Variants in SIPA1 observed in about 807,000 individuals in gnomAD.
SIPA1 encodes signal-induced proliferation-associated 1.
Under a neutral mutation model 88.1 loss-of-function variants are expected in SIPA1, and 51 were observed. That is an observed-to-expected ratio of 0.58 (90% confidence interval 0.46 to 0.73). SIPA1 has a LOEUF of 0.73. Ranked by LOEUF, SIPA1 falls within the 30% of genes least tolerant of loss-of-function variation. The pLI is 0.00. For synonymous variants in SIPA1, 681 were observed against 664.8 expected (o/e 1.02, Z -0.37); for missense variants, 1,348 against 1,467.6 (o/e 0.92, Z 1.33).
chr11:65,641,646 G>C, intron 2 of SIPA1, 46 bp downstream of exon 2: 1 of 1,515,308 alleles, frequency 6.6e-7, no homozygotes, highest in Non-Finnish European at 9.0e-7. Context: ...GGCTGAAGAA[G>C]AGGTCCCTGT....
At position 65,646,582 on chromosome 11, in the gene SIPA1, G is replaced by A. The variant is rs1372533335; in HGVS notation, c.1548G>A (p.Gln516=). ...TGGCCAAAGCGCTGAATGGTGAGCA[G>A]GCGGCCGGCCACGCGCGCCAGTTCC... ...FLLAKALNGE[Q]AAGHARQFHA... Residue 516 remains glutamine, a synonymous_variant, in exon 8 of 16, where the codon CAG becomes CAA. Transcript: ENST00000534313. This position sits in a 1 kb window ranked among gnomAD's most constrained non-coding sequence, Gnocchi z 7.5. The A allele has an allele frequency of 6.5e-7, 1 of 1,547,686 alleles. No individual in the cohort carries two copies. Among genetic ancestry groups the A allele is most frequent in the Non-Finnish European group, 8.7e-7 (1 of 1,152,082 alleles).
chr11:65,647,022 G>A lies in SIPA1; in HGVS notation c.1988G>A (p.Gly663Glu). 6.5e-7 allele frequency: 1 copy of A among 1,542,086 alleles called. No homozygotes were observed. Among genetic ancestry groups the A allele is most frequent in the African/African-American group, 1.4e-5 (1 of 73,418 alleles). The stretch of plus-strand genomic sequence containing the variant: ...GAGGCGATCACGCTGCGCTTCGACG[G>A]GTCCCCCGGCCAAGCCGTGGGCGAG... ...RGEAITLRFDGSPGQAVGEVV... is the reference protein window; with the variant it reads ...RGEAITLRFDESPGQAVGEVV... The change falls in exon 8 of 16, where the codon GGG (glycine) becomes GAG (glutamate). Residue 663 changes from glycine (G) to glutamate (E), a missense_variant. Physicochemically the swap from Gly to Glu is moderately conservative, Grantham distance 98 (BLOSUM62 -2). This residue lies in a region of SIPA1 where 615 missense variants were observed against 559.8 expected (regional missense o/e 1.10). Transcript: ENST00000534313.
chr11:65,648,793 G>A (rs1022113675), intron 9 of SIPA1, among the ~76,000 whole-genome samples: 3 of 150,812 alleles, frequency 2.0e-5, no homozygotes, highest in East Asian at 1.9e-4. Context: ...CTGTGATCGC[G>A]CCATTGCACT....
chr11:65,640,730 G>A (rs1167196426), intron 1 of SIPA1, 101 bp from the exon 2 acceptor site: 10 of 532,458 alleles, frequency 1.9e-5, no homozygotes, highest in Non-Finnish European at 2.9e-5. Flanking sequence ...TGATGGTCTC[G>A]GAGGGGGCCG....
Position 65,646,100 on chromosome 11 carries a change from C to T in SIPA1, c.1264-121C>T, listed in dbSNP as rs1171521582. The T allele has an allele frequency of 2.9e-6, 4 of 1,358,590 alleles. No individual in the cohort carries two copies. The highest frequency in any genetic ancestry group is 4.1e-6 in the Non-Finnish European group (4 of 973,180). 84.2% of individuals were successfully genotyped at this position (1,358,590 alleles called of 1,614,324 possible). A position where few individuals can be genotyped will look rare whatever the true frequency, so the allele number is the denominator to read the frequency against. On this transcript the variant is annotated intron_variant, in intron 6 of 15. Transcript: ENST00000534313. The surrounding 1 kb of genome is among the most constrained non-coding windows in gnomAD (Gnocchi z 7.5). ...TGGCCCCTTCCCAAAGACAGAAACA[C>T]CCTAGGTCTTCACCAGGGGCAGTGG...
At position 65,650,063 on chromosome 11, in the gene SIPA1, AG is replaced by A; in HGVS notation, c.2848+15del. On this transcript the variant is annotated intron_variant, in intron 13 of 15. Transcript: ENST00000534313. ...GCTGTCCCGAGAGGGTGAGGCCACC[AG>A]GGTGCTGCGGTAAGCCTGGGCAGTG... is the stretch of plus-strand genomic sequence containing the variant. The A allele has an allele frequency of 6.2e-7, 1 of 1,613,858 alleles. No homozygotes were observed. The highest frequency in any genetic ancestry group is 8.5e-7 in the Non-Finnish European group (1 of 1,179,834).
In SIPA1 at chr11:65,638,142, A is replaced by ACGTCC. The variant is rs1855932990; in HGVS notation, c.-131_-130insGTCCC. 1 of 152,198 alleles carries ACGTCC rather than the reference A, an allele frequency of 6.6e-6. No homozygotes were observed. The allele number at this position is 152,198 out of a possible 1,614,324, so 9.4% of individuals were successfully genotyped here. A position where few individuals can be genotyped will look rare whatever the true frequency, so the allele number is the denominator to read the frequency against. On this transcript the variant is annotated 5_prime_UTR_variant, in exon 1 of 16. Transcript: ENST00000534313. ...GCGGTAGCGGGAGAGCGGCAGCGGGACCCCAGCGCGGGCGGCGGCGGCTGG... is the reference window on the plus strand; with the variant it reads ...GCGGTAGCGGGAGAGCGGCAGCGGGACGTCCCCCCAGCGCGGGCGGCGGCGGCTGG...
intron 2 of SIPA1, among the ~76,000 whole-genome samples, chr11:65,641,916 A>G (rs757442351): frequency 2.6e-5 from 4 of 152,210 alleles, no homozygotes; most frequent in Non-Finnish European, 5.9e-5. Flanking sequence ...TCAGGCCTCA[A>G]ATCCCTGCAT....
At chr11:65,640,392 G>A (rs140765903) in intron 1 of SIPA1, 129 of 153,822 alleles carry the variant, frequency 8.4e-4, no homozygotes, top group Admixed American at 1.8e-3. Context: ...CAAGGAGGAA[G>A]GTCTCTGGGG....
chr11:65,639,567 C>G (rs1022035089), intron 1 of SIPA1, among the ~76,000 whole-genome samples: 13 of 152,130 alleles, frequency 8.5e-5, no homozygotes, highest in African/African-American at 1.9e-4. Context: ...CCTCCACCCC[C>G]CTCCGGCCCA....
chr11:65,645,844 C>T lies in SIPA1; in HGVS notation c.1160-10C>T. On this transcript the variant is annotated splice_polypyrimidine_tract_variant and intron_variant, in intron 5 of 15. Coordinates refer to ENST00000534313, the MANE Select transcript of SIPA1 (RefSeq NM_006747.4). The stretch of plus-strand genomic sequence containing the variant: ...TTTCTCCTTCTGTGTCCCTAACTTC[C>T]TGGCCACAGCGGATTCCACAGGCAC... 6.2e-7 allele frequency: 1 copy of T among 1,601,924 alleles called. No individual in the cohort carries two copies. Among genetic ancestry groups the T allele is most frequent in the Non-Finnish European group, 8.5e-7 (1 of 1,170,790 alleles).
chr11:65,638,585 G>C (rs1041074681), intron 1 of SIPA1, among the ~76,000 whole-genome samples: 4 of 152,154 alleles, frequency 2.6e-5, no homozygotes, highest in African/African-American at 9.7e-5. Flanking sequence ...CATCTGTCGC[G>C]CCCCCTGGCA....
rs142497064 is a variant in SIPA1 at position 65,644,967 on chromosome 11, C to T, written c.997C>T (p.Arg333Cys). ...CTCCCACCCACAGCTGAGCTTCCAA[C>T]GCAAGGTGGGCATCCTGTACTGCCG... ...TLDEQVLSFQRKVGILYCRAG... is the reference protein window; with the variant it reads ...TLDEQVLSFQCKVGILYCRAG... Residue 333 changes from arginine (R) to cysteine (C), a missense_variant, in exon 5 of 16, where the codon CGC (arginine) becomes TGC (cysteine). Arg to Cys is a radical substitution (Grantham distance 180). Coordinates refer to ENST00000534313, the MANE Select transcript of SIPA1 (RefSeq NM_006747.4). 46 of 1,612,714 alleles carry T rather than the reference C, an allele frequency of 2.9e-5. No individual in the cohort carries two copies. The highest frequency in any genetic ancestry group is 3.3e-5 in the Admixed American group (2 of 59,894).
chr11:65,641,703 A>G (rs1334607956), intron 2 of SIPA1, 103 bp downstream of exon 2: 1 of 1,121,924 alleles, frequency 8.9e-7, no homozygotes, highest in Non-Finnish European at 1.2e-6. Flanking sequence ...CATTTCCTGT[A>G]AAGTCCCTGG....
rs1590922461 is a variant in SIPA1 at position 65,646,400 on chromosome 11, G to A, written c.1421+22G>A. ...ACAGGTGGGCACCGGAGTGGTCCCA[G>A]GTCTCCCGTGGGCATGGAGTCCTGC... On this transcript the variant is annotated intron_variant, in intron 7 of 15. Transcript: ENST00000534313. The surrounding 1 kb of genome is among the most constrained non-coding windows in gnomAD (Gnocchi z 7.5). 1 of 1,604,156 alleles carries A rather than the reference G, an allele frequency of 6.2e-7. No individual in the cohort carries two copies. Among genetic ancestry groups the A allele is most frequent in the Non-Finnish European group, 8.5e-7 (1 of 1,178,494 alleles).
chr11:65,647,099 G>A, intron 8 of SIPA1, 34 bp downstream of exon 8: 1 of 1,463,178 alleles, frequency 6.8e-7, no homozygotes, highest in Non-Finnish European at 9.0e-7. Flanking sequence ...GCCCCTGCGC[G>A]CGGCGGGGCG....
chr11:65,642,504 G>T lies in SIPA1; in HGVS notation c.849G>T (p.Pro283=). 3.1e-6 allele frequency: 5 copies of T among 1,610,408 alleles called. No individual in the cohort carries two copies. The highest frequency in any genetic ancestry group is 4.2e-6 in the Non-Finnish European group (5 of 1,179,474). The change falls in exon 4 of 16, where the codon CCG becomes CCT. Residue 283 remains proline, a synonymous_variant. Transcript: ENST00000534313. The surrounding 1 kb of genome is among the most constrained non-coding windows in gnomAD (Gnocchi z 6.5). ...LRGTISEDAL[P]PGPPRGLSPR... ...GCACCATCTCGGAGGACGCGCTGCC[G>T]CCGGGGCCCCCACGGGGTCTGTCCC...
intron 4 of SIPA1, among the ~76,000 whole-genome samples, chr11:65,644,281 G>A (rs1048667120): frequency 6.6e-6 from 1 of 151,646 alleles, no homozygotes; most frequent in African/African-American, 2.4e-5. Context: ...CCAGGCAGAA[G>A]AGGGCGGGGT....
intron 4 of SIPA1, among the ~76,000 whole-genome samples, chr11:65,644,424 C>T (rs1250066724): frequency 1.3e-5 from 2 of 151,610 alleles, no homozygotes; most frequent in Admixed American, 6.6e-5. Flanking sequence ...GGAATGAAAT[C>T]GAAGTGGGGA....
Sources: allele counts gnomAD v4.1 joint callset (sites outside exome capture counted in the v4.1 genomes callset), GRCh38; gene constraint gnomAD v4.1.1; regional missense constraint gnomAD v4.1.1; non-coding constraint Gnocchi (gnomAD v3.1); transcripts MANE v1.5; gene names NCBI Gene and HGNC (gene_info 2026-07-23, HGNC 2026-07-21).